CNTN4: variants seen among roughly 807,000 people sequenced by gnomAD.
CNTN4 encodes contactin-4.
In CNTN4, 77 loss-of-function variants were observed where a neutral mutation model predicts 122.5. The observed-to-expected ratio is 0.63, with a 90% CI of 0.52 to 0.76. The LOEUF (loss-of-function observed/expected upper bound fraction) is 0.76. CNTN4 is among the 30% of genes least tolerant of loss of function. The probability of loss-of-function intolerance (pLI) is 0.00; values close to 1 mark genes in which losing one functional copy is unlikely to be tolerated. For missense variants in CNTN4, 1,256 were observed against 1,259.1 expected (o/e 1.00, Z 0.04); for synonymous variants, 512 against 447.0 (o/e 1.15, Z -1.83).
intron 13 of CNTN4, among the ~76,000 whole-genome samples, chr3:2,973,697 T>C (rs569228028): frequency 6.6e-6 from 1 of 152,038 alleles, no homozygotes; most frequent in South Asian, 2.1e-4. Flanking sequence ...CTGTATAAAA[T>C]GAAAGGGAGA....
At position 2,293,716 on chromosome 3, in the gene CNTN4, A is replaced by T. The variant is rs1483511968; in HGVS notation, c.-144-45462A>T. ...CTCTTTAAAGTAGCAATTTATTTAA[A>T]TGTTTTCATTTTAGCATATTGATAG... On this transcript the variant is annotated intron_variant, in intron 2 of 24. Coordinates refer to ENST00000418658, the MANE Select transcript of CNTN4 (RefSeq NM_175607.3). 2.0e-5 allele frequency among the ~76,000 whole-genome samples: 3 copies of T among 152,290 alleles called. No individual in the cohort carries two copies. The East Asian group carries it at 5.8e-4, about 29-fold the overall frequency.
intron 13 of CNTN4, among the ~76,000 whole-genome samples, chr3:2,980,400 T>C (rs1018870606): frequency 1.6e-5 from 2 of 128,868 alleles, no homozygotes; most frequent in Admixed American, 1.6e-4. Flanking sequence ...AAGAACAGAT[T>C]TACATTTTCA....
intron 13 of CNTN4, among the ~76,000 whole-genome samples, chr3:2,939,556 C>T (rs1348915450): frequency 6.6e-6 from 1 of 152,002 alleles, no homozygotes; most frequent in Non-Finnish European, 1.5e-5. Context: ...ATTTTTTAAC[C>T]TTCCATGCCC....
chr3:2,239,277 G>T (rs181683552), intron 2 of CNTN4, among the ~76,000 whole-genome samples: 1 of 152,022 alleles, frequency 6.6e-6, no homozygotes, highest in East Asian at 1.9e-4. Flanking sequence ...TGATTTATGC[G>T]GACGATCCTT....
Position 2,307,459 on chromosome 3 carries a change from A to G in CNTN4, c.-144-31719A>G, listed in dbSNP as rs528794961. ...CAAAAAAAAAAAAAAAAATAGCAAG[A>G]CAACCATTCTTGTCTTCTTTTTGAT... On this transcript the variant is annotated intron_variant, in intron 2 of 24. Coordinates refer to ENST00000418658, the MANE Select transcript of CNTN4 (RefSeq NM_175607.3). 1.6e-4 allele frequency among the ~76,000 whole-genome samples: 24 copies of G among 151,718 alleles called. No individual in the cohort carries two copies. The East Asian group carries it at 3.9e-3, about 25-fold the overall frequency.
chr3:2,843,357 C>T (rs1036290992), intron 7 of CNTN4, among the ~76,000 whole-genome samples: 8 of 152,192 alleles, frequency 5.3e-5, no homozygotes, highest in African/African-American at 1.9e-4. Context: ...TCAACCATTG[C>T]AACCCCAGTC....
intron 12 of CNTN4, among the ~76,000 whole-genome samples, chr3:2,923,541 A>C (rs746355619): frequency 4.6e-5 from 7 of 152,212 alleles, no homozygotes; most frequent in Middle Eastern, 3.2e-3. Context: ...TACCTACTGC[A>C]CATGATTCCC....
intron 3 of CNTN4, among the ~76,000 whole-genome samples, chr3:2,391,641 T>G (rs1340110621): frequency 6.6e-6 from 1 of 152,194 alleles, no homozygotes; most frequent in Non-Finnish European, 1.5e-5. Context: ...GATGTTTATA[T>G]GTAATGCCAA....
intron 11 of CNTN4, among the ~76,000 whole-genome samples, chr3:2,902,252 A>C (rs1270295917): frequency 6.6e-6 from 1 of 152,108 alleles, no homozygotes; most frequent in East Asian, 1.9e-4. Flanking sequence ...TCAGAGTGAC[A>C]AATAAGGAGG....
At chr3:2,629,762 TTC>T (rs1216314656) in intron 4 of CNTN4, among the ~76,000 whole-genome samples, 3 of 152,202 alleles carry the variant, frequency 2.0e-5, no homozygotes, top group African/African-American at 7.2e-5. Context: ...TGCTGTGTTA[TTC>T]TGTTTGTTTG....
At chr3:2,780,901 A>G (rs1234880251) in intron 6 of CNTN4, among the ~76,000 whole-genome samples, 2 of 152,200 alleles carry the variant, frequency 1.3e-5, no homozygotes, top group East Asian at 1.9e-4. Context: ...CTGATTGTAA[A>G]TATCTCTCAC....
chr3:2,166,123 T>G (rs2036183039), intron 2 of CNTN4, among the ~76,000 whole-genome samples: 1 of 152,124 alleles, frequency 6.6e-6, no homozygotes, highest in African/African-American at 2.4e-5. Context: ...TTGAGGAATC[T>G]TTACTGTTTT....
At chr3:2,860,984 T>C (rs4290790) in intron 7 of CNTN4, among the ~76,000 whole-genome samples, 142,091 of 152,246 alleles carry the variant, frequency 0.93, 66,425 homozygotes, top group East Asian at 1. Flanking sequence ...TAACATTTTT[T>C]TTTCGCAAAG....
At chr3:2,556,301 A>G (rs1027349083) in intron 3 of CNTN4, among the ~76,000 whole-genome samples, 1 of 152,204 alleles carries the variant, frequency 6.6e-6, no homozygotes, top group Non-Finnish European at 1.5e-5. Flanking sequence ...GTTTTAAGAC[A>G]GCAGAACTGG....
chr3:2,590,237 A>G (rs1038238613), intron 4 of CNTN4, among the ~76,000 whole-genome samples: 2 of 152,050 alleles, frequency 1.3e-5, no homozygotes, highest in African/African-American at 4.8e-5. Flanking sequence ...ACACAAATCT[A>G]TCATATCACC....
chr3:2,798,579 A>T (rs937061146), intron 6 of CNTN4, among the ~76,000 whole-genome samples: 2 of 152,052 alleles, frequency 1.3e-5, no homozygotes, highest in African/African-American at 2.4e-5. Flanking sequence ...GTGCGATCTC[A>T]GCTCACTGCA....
chr3:2,547,800 C>G (rs530454095), intron 3 of CNTN4, among the ~76,000 whole-genome samples: 1 of 152,158 alleles, frequency 6.6e-6, no homozygotes, highest in African/African-American at 2.4e-5. Context: ...ATCTTTAAGT[C>G]CAAAGAGAAC....
intron 11 of CNTN4, among the ~76,000 whole-genome samples, chr3:2,902,422 C>G (rs1475978858): frequency 3.3e-5 from 5 of 152,274 alleles, no homozygotes; most frequent in African/African-American, 1.2e-4. Context: ...ATATTTGCCT[C>G]TGTTTCATCC....
intron 13 of CNTN4, among the ~76,000 whole-genome samples, chr3:2,951,621 A>G (rs2094746308): frequency 6.6e-6 from 1 of 152,200 alleles, no homozygotes; most frequent in African/African-American, 2.4e-5. Context: ...TGTCTTCTCC[A>G]TGACTCCAAG....
Sources: gnomAD v4.1 joint callset for allele counts (sites outside exome capture counted in the v4.1 genomes callset) on GRCh38, gnomAD v4.1.1 for gene constraint, MANE v1.5 for transcripts, NCBI Gene and HGNC (gene_info 2026-07-23, HGNC 2026-07-21) for gene names.